Variants in SLX4IP observed in about 807,000 individuals in gnomAD.
SLX4IP encodes the protein SLX4 interacting protein.
In SLX4IP, 34 loss-of-function variants were observed where a neutral mutation model predicts 32.9. The observed-to-expected ratio is 1.03, with a 90% CI of 0.79 to 1.38. SLX4IP has a LOEUF of 1.38. Ranked by LOEUF, SLX4IP falls within the 40% of genes most tolerant of loss-of-function variation. SLX4IP has a pLI of 0.00. For synonymous variants in SLX4IP, 172 were observed against 171.7 expected, an observed-to-expected ratio of 1.00 and a Z score of -0.01; for missense variants, 444 against 479.0, an observed-to-expected ratio of 0.93 and a Z score of 0.68.
At chr20:10,515,895 G>A (rs1390060729) in intron 2 of SLX4IP, among the ~76,000 whole-genome samples, 1 of 152,034 alleles carries the variant, frequency 6.6e-6, no homozygotes. Context: ...TTGTTGTTGT[G>A]GTTGTTGTTT....
chr20:10,552,456 T>C (rs2066227260), intron 2 of SLX4IP, among the ~76,000 whole-genome samples: 1 of 151,786 alleles, frequency 6.6e-6, no homozygotes, highest in Non-Finnish European at 1.5e-5. Context: ...GAAGCAAAGC[T>C]TTGAGAGCAG....
intron 2 of SLX4IP, among the ~76,000 whole-genome samples, chr20:10,462,343 A>G (rs1364405879): frequency 6.6e-6 from 1 of 152,250 alleles, no homozygotes; most frequent in Non-Finnish European, 1.5e-5. Flanking sequence ...GTGAGTGAAT[A>G]CACAATAAAG....
chr20:10,474,088 G>A (rs1461938505), intron 2 of SLX4IP, among the ~76,000 whole-genome samples: 1 of 152,156 alleles, frequency 6.6e-6, no homozygotes, highest in Admixed American at 6.6e-5. Flanking sequence ...ATTCCAAAGT[G>A]CTGGGATTAC....
At chr20:10,513,623 T>C (rs1363698163) in intron 2 of SLX4IP, among the ~76,000 whole-genome samples, 1 of 152,102 alleles carries the variant, frequency 6.6e-6, no homozygotes, top group Non-Finnish European at 1.5e-5. Flanking sequence ...AGGGCATCCT[T>C]GGATTTAGGA....
At chr20:10,545,328 G>T (rs2066151799) in intron 2 of SLX4IP, among the ~76,000 whole-genome samples, 1 of 152,136 alleles carries the variant, frequency 6.6e-6, no homozygotes, top group Non-Finnish European at 1.5e-5. Context: ...TCATTCTGAG[G>T]TTGTGTTTTA....
chr20:10,548,012 A>G (rs2066180256), intron 2 of SLX4IP, among the ~76,000 whole-genome samples: 1 of 152,196 alleles, frequency 6.6e-6, no homozygotes, highest in Admixed American at 6.5e-5. Context: ...GGTAGAATCC[A>G]AGTAAATGGT....
At chr20:10,446,362 A>T (rs2065202506) in intron 1 of SLX4IP, among the ~76,000 whole-genome samples, 1 of 150,516 alleles carries the variant, frequency 6.6e-6, no homozygotes, top group Non-Finnish European at 1.5e-5. Flanking sequence ...CAGTGAGCCG[A>T]AATTGGGCCA....
intron 2 of SLX4IP, among the ~76,000 whole-genome samples, chr20:10,482,838 C>G (rs2065535903): frequency 1.3e-5 from 2 of 152,120 alleles, no homozygotes; most frequent in South Asian, 4.1e-4. Context: ...AGACTGGAAA[C>G]TTAAAACAGG....
At chr20:10,530,710 C>T (rs1345226415) in intron 2 of SLX4IP, among the ~76,000 whole-genome samples, 1 of 152,026 alleles carries the variant, frequency 6.6e-6, no homozygotes, top group African/African-American at 2.4e-5. Flanking sequence ...CTTTTTCCAT[C>T]TTGCTTTAAA....
intron 4 of SLX4IP, among the ~76,000 whole-genome samples, chr20:10,589,329 A>G (rs1053899908): frequency 7.9e-5 from 12 of 152,222 alleles, no homozygotes; most frequent in African/African-American, 2.9e-4. Context: ...TATAAATTCA[A>G]GGTCTTTCTG....
chr20:10,441,649 G>A lies in SLX4IP; in HGVS notation c.-30+6196G>A, dbSNP rs116975239. Among the ~76,000 whole-genome samples the A allele has an allele frequency of 8.5e-3, 1,288 of 152,074 alleles. 26 individuals are homozygous for A. Among genetic ancestry groups the A allele is most frequent in the Non-Finnish European group, 7.6e-3 (519 of 68,022 alleles). ...TATCAATGTTTGACTTACATTTAGT[G>A]ACAAAGGATTTTTAAAAGTTCTAAT... On this transcript the variant is annotated intron_variant, in intron 1 of 7. Coordinates refer to ENST00000334534, the MANE Select transcript of SLX4IP (RefSeq NM_001009608.3).
At chr20:10,598,533 G>A (rs1417969366) in intron 4 of SLX4IP, 142 bp from the exon 5 acceptor site, 2 of 783,098 alleles carry the variant, frequency 2.6e-6, no homozygotes, top group Non-Finnish European at 4.3e-6. Flanking sequence ...CGAATTGTTG[G>A]GATTACAGGC....
intron 4 of SLX4IP, among the ~76,000 whole-genome samples, chr20:10,584,754 T>C (rs1404064077): frequency 6.6e-6 from 1 of 152,200 alleles, no homozygotes; most frequent in Admixed American, 6.5e-5. Flanking sequence ...AGTAGATAGA[T>C]GCTTATTTGA....
At chr20:10,618,289 C>T (rs2067063128) in intron 6 of SLX4IP, among the ~76,000 whole-genome samples, 1 of 152,220 alleles carries the variant, frequency 6.6e-6, no homozygotes, top group Non-Finnish European at 1.5e-5. Context: ...GGGAGGGTAT[C>T]TCCCTAGAGG....
chr20:10,543,663 G>A (rs546770680), intron 2 of SLX4IP, among the ~76,000 whole-genome samples: 1 of 152,184 alleles, frequency 6.6e-6, no homozygotes. Flanking sequence ...AGGAAAGCAG[G>A]AAGTGAAAGA....
At chr20:10,594,437 G>A (rs2066746603) in intron 4 of SLX4IP, among the ~76,000 whole-genome samples, 1 of 152,164 alleles carries the variant, frequency 6.6e-6, no homozygotes, top group African/African-American at 2.4e-5. Context: ...TCCATGAATG[G>A]TCTCGTAATA....
intron 2 of SLX4IP, among the ~76,000 whole-genome samples, chr20:10,512,700 A>ATG (rs2065817942): frequency 7.7e-6 from 1 of 130,656 alleles, no homozygotes; most frequent in African/African-American, 2.8e-5. Flanking sequence ...TATATAGTAT[A>ATG]TATAGTGTAT....
chr20:10,541,927 T>C (rs2066111771), intron 2 of SLX4IP, among the ~76,000 whole-genome samples: 1 of 152,220 alleles, frequency 6.6e-6, no homozygotes, highest in African/African-American at 2.4e-5. Flanking sequence ...TATGTATCTG[T>C]ATGACTCTAA....
chr20:10,477,563 G>A (rs768469124), intron 2 of SLX4IP, among the ~76,000 whole-genome samples: 3 of 152,068 alleles, frequency 2.0e-5, no homozygotes, highest in Non-Finnish European at 2.9e-5. Context: ...CACCGTGCCC[G>A]GCCGAAGGGA....
Sources: gnomAD v4.1 joint callset for allele counts (sites outside exome capture counted in the v4.1 genomes callset) on GRCh38, gnomAD v4.1.1 for gene constraint, MANE v1.5 for transcripts, NCBI Gene and HGNC (gene_info 2026-07-23, HGNC 2026-07-21) for gene names.